FGF12: variants seen among roughly 807,000 people sequenced by gnomAD.
The protein encoded by FGF12 is fibroblast growth factor 12.
FGF12 carries 14 observed loss-of-function variants against 23.6 expected under a neutral mutation model. The observed-to-expected ratio is 0.59, with a 90% confidence interval of 0.39 to 0.93. The LOEUF is 0.93. FGF12 is among the 40% of genes least tolerant of loss of function. The pLI, the probability that FGF12 is intolerant of heterozygous loss-of-function variation, is 0.00. For synonymous variants in FGF12, 62 were observed against 77.3 expected, an observed-to-expected ratio of 0.80 and a Z score of 1.04; for missense variants, 175 against 217.8, an observed-to-expected ratio of 0.80 and a Z score of 1.24.
In FGF12 at chr3:192,409,541, C is replaced by T. The variant is rs1435253100; in HGVS notation, c.14-49003G>A. Reference sequence around the variant, plus strand: ...AGCAGATCAGATGGGGATTACCCGCCGGACGCAAGGCCGATCACTCAGTCC... The same window carrying T: ...AGCAGATCAGATGGGGATTACCCGCTGGACGCAAGGCCGATCACTCAGTCC... On this transcript the variant is annotated intron_variant, in intron 2 of 5. Transcript: ENST00000445105. This position sits in a 1 kb window ranked among gnomAD's most constrained non-coding sequence, Gnocchi z 4.8. Among the ~76,000 whole-genome samples the T allele has an allele frequency of 1.3e-5, 2 of 152,234 alleles. No homozygotes were observed. Among genetic ancestry groups the T allele is most frequent in the African/African-American group, 4.8e-5 (2 of 41,474 alleles).
At chr3:192,608,466 G>A (rs1273270287) in intron 2 of FGF12, among the ~76,000 whole-genome samples, 1 of 151,988 alleles carries the variant, frequency 6.6e-6, no homozygotes, top group Non-Finnish European at 1.5e-5. Context: ...TAAAAAAGGA[G>A]AGGAATATGT....
At chr3:192,370,879 C>A (rs1043661727) in intron 2 of FGF12, among the ~76,000 whole-genome samples, 2 of 152,112 alleles carry the variant, frequency 1.3e-5, no homozygotes, top group African/African-American at 4.8e-5. Flanking sequence ...AATCCGAATC[C>A]GAATCAATCG....
chr3:192,503,405 G>A (rs1724190325), intron 2 of FGF12, among the ~76,000 whole-genome samples: 2 of 151,916 alleles, frequency 1.3e-5, no homozygotes, highest in African/African-American at 2.4e-5. Flanking sequence ...TTACTATGCC[G>A]AATTCCAAAA....
chr3:192,503,639 T>C (rs1354503098), intron 2 of FGF12, among the ~76,000 whole-genome samples: 1 of 145,254 alleles, frequency 6.9e-6, no homozygotes, highest in South Asian at 2.2e-4. Context: ...AGTCTCTCAC[T>C]CTGTCACCCA....
intron 2 of FGF12, among the ~76,000 whole-genome samples, chr3:192,633,678 G>A (rs1271789050): frequency 4.6e-5 from 7 of 152,068 alleles, no homozygotes; most frequent in Admixed American, 6.6e-5. Flanking sequence ...AAAAGCCCCC[G>A]CTTCATTCAA....
At chr3:192,167,650 G>A (rs556323243) in intron 5 of FGF12, among the ~76,000 whole-genome samples, 8 of 142,774 alleles carry the variant, frequency 5.6e-5, no homozygotes, top group South Asian at 2.2e-4. Context: ...AGTTGTACAC[G>A]TACATGCTCA....
intron 4 of FGF12, among the ~76,000 whole-genome samples, chr3:192,316,219 C>T (rs550558535): frequency 6.6e-6 from 1 of 152,262 alleles, no homozygotes; most frequent in East Asian, 1.9e-4. Context: ...ATAGATAACA[C>T]TCCAGCAGCT....
chr3:192,307,455 C>A (rs536550199), intron 4 of FGF12, among the ~76,000 whole-genome samples: 44 of 152,220 alleles, frequency 2.9e-4, no homozygotes, highest in Admixed American at 9.8e-4. Context: ...GTCTAGCCGA[C>A]CTCTATGATC....
intron 5 of FGF12, among the ~76,000 whole-genome samples, chr3:192,149,311 G>T (rs1016841900): frequency 8.9e-6 from 1 of 112,024 alleles, no homozygotes; most frequent in African/African-American, 3.2e-5. Flanking sequence ...GGCAGCATTT[G>T]AACCTTTTTT....
At chr3:192,717,449 A>G (rs900817555) in intron 2 of FGF12, among the ~76,000 whole-genome samples, 2 of 152,214 alleles carry the variant, frequency 1.3e-5, no homozygotes, top group African/African-American at 4.8e-5. Flanking sequence ...CAAAAGACTC[A>G]GTTATCTTTC....
At chr3:192,609,792 T>C (rs1019749486) in intron 2 of FGF12, among the ~76,000 whole-genome samples, 3 of 152,080 alleles carry the variant, frequency 2.0e-5, no homozygotes, top group African/African-American at 4.8e-5. Flanking sequence ...CCTTTTAATA[T>C]TTTTCTCAAA....
intron 2 of FGF12, among the ~76,000 whole-genome samples, chr3:192,540,883 T>C (rs1242167573): frequency 6.6e-6 from 1 of 152,234 alleles, no homozygotes; most frequent in Admixed American, 6.5e-5. Flanking sequence ...TTTATCATTA[T>C]GTAATGACCT....
At chr3:192,605,614 C>G (rs191380008) in intron 2 of FGF12, among the ~76,000 whole-genome samples, 37 of 152,226 alleles carry the variant, frequency 2.4e-4, no homozygotes, top group African/African-American at 8.4e-4. Flanking sequence ...GGTCTAATAT[C>G]TGGAATCTAT....
At position 192,571,294 on chromosome 3, in the gene FGF12, T is replaced by G. The variant is rs141560659; in HGVS notation, c.13+155887A>C. Among the ~76,000 whole-genome samples the G allele has an allele frequency of 4.4e-3, 667 of 152,244 alleles. 4 individuals are homozygous for G. The highest frequency in any genetic ancestry group is 0.015 in the African/African-American group (635 of 41,538). On this transcript the variant is annotated intron_variant, in intron 2 of 5. Coordinates refer to ENST00000445105, the MANE Select transcript of FGF12 (RefSeq NM_004113.6). ...ATCGCTCTTTCTGCAAACATCGCGG[T>G]CTGTGAAATCTGCCCCCTAAAAAAC...
At chr3:192,543,613 C>G (rs1725427127) in intron 2 of FGF12, among the ~76,000 whole-genome samples, 1 of 152,016 alleles carries the variant, frequency 6.6e-6, no homozygotes, top group Non-Finnish European at 1.5e-5. Flanking sequence ...TGGGAATGTA[C>G]TGGGTCTCAC....
chr3:192,721,397 T>G (rs1200887952), intron 2 of FGF12, among the ~76,000 whole-genome samples: 1 of 152,290 alleles, frequency 6.6e-6, no homozygotes, highest in South Asian at 2.1e-4. Context: ...GTCTTTATGA[T>G]CCTTTGTTTT....
At chr3:192,403,987 A>C (rs189123063) in intron 2 of FGF12, among the ~76,000 whole-genome samples, 70 of 152,300 alleles carry the variant, frequency 4.6e-4, no homozygotes, top group Non-Finnish European at 2.8e-4. Context: ...AGATAAGGTA[A>C]ATGAAAATCA....
chr3:192,727,110 C>T (rs13060864), intron 2 of FGF12, 71 bp downstream of exon 2: 4 of 1,538,802 alleles, frequency 2.6e-6, no homozygotes, highest in Non-Finnish European at 3.5e-6. Flanking sequence ...GCACTGCAGT[C>T]CCCTCGCCGA....
chr3:192,354,633 T>C (rs1363817243), intron 3 of FGF12, among the ~76,000 whole-genome samples: 2 of 152,206 alleles, frequency 1.3e-5, no homozygotes, highest in African/African-American at 4.8e-5. Flanking sequence ...GTGTTCAACC[T>C]AACTCATAAT....
Sources: gnomAD v4.1 joint callset for allele counts (sites outside exome capture counted in the v4.1 genomes callset) on GRCh38, gnomAD v4.1.1 for gene constraint, Gnocchi (gnomAD v3.1) non-coding constraint, MANE v1.5 for transcripts, NCBI Gene and HGNC (gene_info 2026-07-23, HGNC 2026-07-21) for gene names.